The following TLL1 variants were observed in gnomAD, a reference collection of about 807,000 sequenced individuals.
The protein encoded by TLL1 is tolloid like 1, also known as tolloid-like protein 1.
Under a neutral mutation model 128.2 loss-of-function variants are expected in TLL1, and 49 were observed. The ratio of observed to expected loss-of-function variants is 0.38; its 90% CI spans 0.30 to 0.48. The LOEUF (loss-of-function observed/expected upper bound fraction) is 0.48. Among genes scored for constraint, TLL1 ranks in the 20% least tolerant of loss-of-function variants. The pLI, the probability that TLL1 is intolerant of heterozygous loss-of-function variation, is 0.96. For missense variants in TLL1, 1,123 were observed against 1,242.0 expected (o/e 0.90, Z 1.44); for synonymous variants, 454 against 418.8 (o/e 1.08, Z -1.03).
In TLL1 at chr4:166,003,495, T is replaced by C. The variant is rs770090725; in HGVS notation, c.737T>C (p.Ile246Thr). 6.2e-7 allele frequency: 1 copy of C among 1,614,022 alleles called. No homozygotes were observed. Among genetic ancestry groups the C allele is most frequent in the Non-Finnish European group, 8.5e-7 (1 of 1,179,956 alleles). ...GIVVHELGHV[I>T]GFWHEHTRPD... ...GTTGTTCATGAATTGGGTCATGTGA[T>C]AGGCTTTTGGCATGAACACACAAGA... The change falls in exon 6 of 21, where the codon ATA (isoleucine) becomes ACA (threonine). Residue 246 changes from isoleucine to threonine, a missense_variant. Coordinates refer to ENST00000061240, the MANE Select transcript of TLL1 (RefSeq NM_012464.5).
At chr4:165,906,630 A>C (rs1732268592) in intron 1 of TLL1, among the ~76,000 whole-genome samples, 1 of 152,190 alleles carries the variant, frequency 6.6e-6, no homozygotes, top group Non-Finnish European at 1.5e-5. Flanking sequence ...AAAGGAGATA[A>C]GATATATTTA....
In TLL1 at chr4:166,103,856, A is replaced by T. The variant is rs1742397940; in HGVS notation, c.*2980A>T. 1 of 149,542 alleles carries T rather than the reference A, an allele frequency of 6.7e-6. No homozygotes were observed. The highest frequency in any genetic ancestry group is 2.5e-5 in the African/African-American group (1 of 40,748). The allele number at this position is 149,542 out of a possible 1,614,324, so 9.3% of individuals were successfully genotyped here. ...ACTATACATAGAAAAAAAAAAAAAC[A>T]CTGTTCTCACTTGATTTTATTAAAT... On this transcript the variant is annotated 3_prime_UTR_variant, in exon 21 of 21. Transcript: ENST00000061240.
intron 1 of TLL1, among the ~76,000 whole-genome samples, chr4:165,911,050 C>T (rs1732505847): frequency 6.6e-6 from 1 of 152,076 alleles, no homozygotes; most frequent in African/African-American, 2.4e-5. Flanking sequence ...CATTTCAAGT[C>T]CTCATTTCTA....
chr4:166,038,541 G>A (rs996769939), intron 9 of TLL1, among the ~76,000 whole-genome samples: 1 of 151,528 alleles, frequency 6.6e-6, no homozygotes, highest in Non-Finnish European at 1.5e-5. Flanking sequence ...CATACTTCTC[G>A]CGTAAGTTTG....
intron 5 of TLL1, among the ~76,000 whole-genome samples, chr4:165,999,478 T>A (rs1737046665): frequency 6.6e-6 from 1 of 151,922 alleles, no homozygotes; most frequent in African/African-American, 2.4e-5. Flanking sequence ...TCGTGAGAAC[T>A]CCCTTATTAT....
Position 166,043,335 on chromosome 4 carries a change from T to C in TLL1, c.1440T>C (p.Asp480=). Residue 480 remains aspartate (D), a synonymous_variant, in exon 12 of 21, where the codon GAT becomes GAC. Coordinates refer to ENST00000061240, the MANE Select transcript of TLL1 (RefSeq NM_012464.5). The part of the protein sequence containing the change: ...EGQIQSPNYP[D]DYRPMKECVW... ...AGATTCAGTCTCCCAATTATCCTGATGACTATCGCCCGATGAAAGAATGTG... is the reference window on the plus strand; with the variant it reads ...AGATTCAGTCTCCCAATTATCCTGACGACTATCGCCCGATGAAAGAATGTG... 1.2e-6 allele frequency: 2 copies of C among 1,614,170 alleles called. No individual in the cohort carries two copies. Among genetic ancestry groups the C allele is most frequent in the South Asian group, 1.1e-5 (1 of 91,088 alleles).
chr4:166,028,295 CAT>C (rs1224352224), intron 9 of TLL1, among the ~76,000 whole-genome samples: 2 of 152,004 alleles, frequency 1.3e-5, no homozygotes, highest in African/African-American at 4.8e-5. Flanking sequence ...TCTTAACCCA[CAT>C]ATTTTTTCAG....
intron 18 of TLL1, among the ~76,000 whole-genome samples, chr4:166,090,878 C>T (rs2111157677): frequency 6.6e-6 from 1 of 151,974 alleles, no homozygotes; most frequent in East Asian, 1.9e-4. Context: ...GATTGAATTG[C>T]AATAGTAGAA....
intron 14 of TLL1, among the ~76,000 whole-genome samples, chr4:166,059,714 C>A (rs548872226): frequency 6.6e-6 from 1 of 151,996 alleles, no homozygotes; most frequent in African/African-American, 2.4e-5. Context: ...TAGACCAACT[C>A]TAAAGATAAG....
intron 18 of TLL1, among the ~76,000 whole-genome samples, chr4:166,079,528 G>A (rs970344891): frequency 3.3e-5 from 5 of 151,684 alleles, no homozygotes; most frequent in South Asian, 2.1e-4. Flanking sequence ...GTGTTAAGTC[G>A]TAATTCTTTT....
chr4:166,058,030 T>C (rs1740113103), intron 14 of TLL1, among the ~76,000 whole-genome samples: 1 of 152,202 alleles, frequency 6.6e-6, no homozygotes, highest in South Asian at 2.1e-4. Context: ...TTTATATCCA[T>C]CCCTCCTTTC....
intron 12 of TLL1, among the ~76,000 whole-genome samples, chr4:166,048,238 GA>G (rs56801648): frequency 0.068 from 6,832 of 100,570 alleles, 236 homozygotes; most frequent in African/African-American, 0.11. Flanking sequence ...TTCCGTCTCG[GA>G]AAAAAAAAAA....
rs577232420 is a variant in TLL1, at chr4:165,942,531, G to A, written c.170-46850G>A. Among the ~76,000 whole-genome samples the A allele has an allele frequency of 3.4e-3, 518 of 151,538 alleles. 1 individual carries two copies. The highest frequency in any genetic ancestry group is 0.012 in the African/African-American group (496 of 41,402). ...TGTATCACCAGAACGTAATCTAACC[G>A]AATACCTTCCAGTATAAAGTAGTAG... On this transcript the variant is annotated intron_variant, in intron 1 of 20. Transcript: ENST00000061240.
intron 1 of TLL1, among the ~76,000 whole-genome samples, chr4:165,889,801 T>C (rs1367002095): frequency 6.6e-6 from 1 of 152,220 alleles, no homozygotes. Context: ...TAATAAGGTT[T>C]CCATTTTTTC....
At chr4:166,003,701 A>G in intron 6 of TLL1, 132 bp downstream of exon 6, 1 of 920,452 alleles carries the variant, frequency 1.1e-6, no homozygotes. Flanking sequence ...ATTTTGCTTG[A>G]TTAAAAATCA....
chr4:166,065,888 T>G (rs376169271), intron 16 of TLL1, 25 bp downstream of exon 16: 52 of 1,435,428 alleles, frequency 3.6e-5, no homozygotes, highest in Non-Finnish European at 2.8e-5. Flanking sequence ...ATGTTGTATG[T>G]GTATATTACA....
intron 13 of TLL1, among the ~76,000 whole-genome samples, chr4:166,056,469 A>G (rs1579683770): frequency 6.6e-6 from 1 of 151,174 alleles, no homozygotes; most frequent in African/African-American, 2.5e-5. Flanking sequence ...AAATGGGGTT[A>G]TCATATTTTC....
intron 18 of TLL1, among the ~76,000 whole-genome samples, chr4:166,081,489 A>T (rs879872211): frequency 6.6e-6 from 1 of 152,292 alleles, no homozygotes; most frequent in Non-Finnish European, 1.5e-5. Flanking sequence ...ATGGAAAAGG[A>T]TCTGTAAGTG....
At chr4:166,005,063 C>CA (rs1737354825) in intron 6 of TLL1, among the ~76,000 whole-genome samples, 1 of 151,792 alleles carries the variant, frequency 6.6e-6, no homozygotes, top group Non-Finnish European at 1.5e-5. Flanking sequence ...AATAGTCTTT[C>CA]AAAAATATTT....
Sources: gnomAD v4.1 joint callset for allele counts (sites outside exome capture counted in the v4.1 genomes callset) on GRCh38, gnomAD v4.1.1 for gene constraint, MANE v1.5 for transcripts, NCBI Gene and HGNC (gene_info 2026-07-23, HGNC 2026-07-21) for gene names.